Variants in PRKG1 observed in about 807,000 individuals in gnomAD.
PRKG1 encodes protein kinase cGMP-dependent 1, also known as cGMP-dependent protein kinase 1.
A neutral mutation model predicts 88.1 loss-of-function variants in PRKG1; 35 were observed. The ratio of observed to expected loss-of-function variants is 0.40; its 90% CI spans 0.30 to 0.53. PRKG1 has a LOEUF of 0.53. Among genes scored for constraint, PRKG1 ranks in the 20% least tolerant of loss-of-function variants. The pLI is 0.59. For missense variants in PRKG1, 540 were observed against 839.8 expected, an observed-to-expected ratio of 0.64 and a Z score of 4.41; for synonymous variants, 303 against 292.5, an observed-to-expected ratio of 1.04 and a Z score of -0.37.
intron 2 of PRKG1, among the ~76,000 whole-genome samples, chr10:51,392,896 C>A (rs1348382861): frequency 2.7e-5 from 3 of 112,112 alleles, no homozygotes; most frequent in African/African-American, 6.6e-5. Context: ...GGGCGGCTGG[C>A]CGGGTGGGGG....
At chr10:51,563,558 A>G (rs1837525339) in intron 3 of PRKG1, among the ~76,000 whole-genome samples, 1 of 152,114 alleles carries the variant, frequency 6.6e-6, no homozygotes, top group Admixed American at 6.6e-5. Flanking sequence ...GAAACACAGT[A>G]ATATTAAGTA....
intron 3 of PRKG1, among the ~76,000 whole-genome samples, chr10:51,775,563 TTTAA>T (rs1734711184): frequency 6.6e-6 from 1 of 151,424 alleles, no homozygotes; most frequent in Non-Finnish European, 1.5e-5. Flanking sequence ...AGCCCAGTTC[TTTAA>T]TTATTATTAT....
intron 8 of PRKG1, among the ~76,000 whole-genome samples, chr10:52,138,540 T>A (rs1038167246): frequency 6.6e-6 from 1 of 152,036 alleles, no homozygotes; most frequent in African/African-American, 2.4e-5. Context: ...GAGGCCCTTG[T>A]GGGACCCTAG....
chr10:51,888,632 A>G lies in PRKG1; in HGVS notation c.699-18875A>G, dbSNP rs76060121. On this transcript the variant is annotated intron_variant, in intron 4 of 17. Transcript: ENST00000373980. ...AGGGTCTGATGTTGCTAATTAAGCA[A>G]TCTAAGATTTTGGCAAATGAACTCC... Among the ~76,000 whole-genome samples, 888 of 152,318 alleles carry G rather than the reference A, an allele frequency of 5.8e-3. 2 individuals are homozygous for G. The highest frequency in any genetic ancestry group is 0.015 in the South Asian group (72 of 4,822).
chr10:51,678,349 G>A (rs1840762698), intron 3 of PRKG1, among the ~76,000 whole-genome samples: 1 of 152,084 alleles, frequency 6.6e-6, no homozygotes, highest in Non-Finnish European at 1.5e-5. Context: ...TGCATTCTGG[G>A]AATTTACATA....
At chr10:51,913,247 A>G (rs1682575498) in intron 5 of PRKG1, among the ~76,000 whole-genome samples, 1 of 152,120 alleles carries the variant, frequency 6.6e-6, no homozygotes, top group Admixed American at 6.6e-5. Context: ...TTTTAGATAC[A>G]GGGGTACATG....
intron 4 of PRKG1, among the ~76,000 whole-genome samples, chr10:51,868,378 A>G (rs566691604): frequency 6.6e-6 from 1 of 152,302 alleles, no homozygotes; most frequent in Middle Eastern, 3.4e-3. Context: ...CTTAAAAACC[A>G]GAAGAATTTA....
chr10:52,088,081 C>T (rs1846960959), intron 7 of PRKG1, among the ~76,000 whole-genome samples: 1 of 152,160 alleles, frequency 6.6e-6, no homozygotes, highest in Non-Finnish European at 1.5e-5. Context: ...AAGTGTTTCA[C>T]ATCCTGCTTA....
intron 5 of PRKG1, among the ~76,000 whole-genome samples, chr10:51,964,078 C>T (rs1328805706): frequency 1.3e-5 from 2 of 152,154 alleles, no homozygotes; most frequent in Non-Finnish European, 2.9e-5. Context: ...GCACCCTGCA[C>T]TCATTGGCTT....
chr10:51,620,101 A>G (rs910200703), intron 3 of PRKG1, among the ~76,000 whole-genome samples: 1 of 152,102 alleles, frequency 6.6e-6, no homozygotes, highest in Non-Finnish European at 1.5e-5. Context: ...ACCTCAACAA[A>G]CACTAATATA....
chr10:52,205,030 G>A (rs1839780985), intron 9 of PRKG1, among the ~76,000 whole-genome samples: 1 of 152,122 alleles, frequency 6.6e-6, no homozygotes, highest in South Asian at 2.1e-4. Flanking sequence ...TGCCCTGGGA[G>A]TGTCTGCCTT....
At chr10:52,182,610 T>C (rs538348881) in intron 9 of PRKG1, among the ~76,000 whole-genome samples, 3 of 141,054 alleles carry the variant, frequency 2.1e-5, no homozygotes, top group East Asian at 4.1e-4. Flanking sequence ...TTAATTTTTG[T>C]ATAAGGTGTA....
At chr10:52,047,138 G>T (rs1845880316) in intron 5 of PRKG1, among the ~76,000 whole-genome samples, 3 of 152,114 alleles carry the variant, frequency 2.0e-5, no homozygotes, top group African/African-American at 7.2e-5. Flanking sequence ...TAGAAAAAGT[G>T]TTCCAGGATT....
At chr10:51,426,524 G>A (rs1179979415) in intron 2 of PRKG1, among the ~76,000 whole-genome samples, 1 of 152,150 alleles carries the variant, frequency 6.6e-6, no homozygotes, top group African/African-American at 2.4e-5. Flanking sequence ...CAAACAGATT[G>A]CTAGAGATAG....
intron 2 of PRKG1, among the ~76,000 whole-genome samples, chr10:51,222,904 C>A (rs1006285395): frequency 2.0e-5 from 3 of 151,888 alleles, no homozygotes; most frequent in Non-Finnish European, 4.4e-5. Context: ...ATACATTCTA[C>A]TTGTATACAT....
chr10:51,680,301 A>G (rs1419192508), intron 3 of PRKG1, among the ~76,000 whole-genome samples: 3 of 151,470 alleles, frequency 2.0e-5, no homozygotes, highest in Non-Finnish European at 4.4e-5. Context: ...AAAAAAAAAG[A>G]ATACTTAAAC....
At chr10:51,778,192 G>C (rs1037564932) in intron 3 of PRKG1, among the ~76,000 whole-genome samples, 55 of 152,166 alleles carry the variant, frequency 3.6e-4, no homozygotes, top group African/African-American at 1.3e-3. Flanking sequence ...AATCTGGAAT[G>C]TGCCACATTT....
At chr10:51,438,998 G>T (rs1839015615) in intron 2 of PRKG1, among the ~76,000 whole-genome samples, 1 of 139,368 alleles carries the variant, frequency 7.2e-6, no homozygotes, top group Non-Finnish European at 1.6e-5. Flanking sequence ...ACAACTAATT[G>T]GGATTTTTTT....
chr10:51,886,677 G>C (rs891684972), intron 4 of PRKG1, among the ~76,000 whole-genome samples: 2 of 152,206 alleles, frequency 1.3e-5, no homozygotes, highest in African/African-American at 4.8e-5. Context: ...AGATGATAAT[G>C]TCTCATAGGT....
Sources: gnomAD v4.1 joint callset for allele counts (sites outside exome capture counted in the v4.1 genomes callset) on GRCh38, gnomAD v4.1.1 for gene constraint, MANE v1.5 for transcripts, NCBI Gene and HGNC (gene_info 2026-07-23, HGNC 2026-07-21) for gene names.